Variants in ST6GALNAC5 observed in about 807,000 individuals in gnomAD.
ST6GALNAC5 encodes the protein alpha-N-acetylgalactosaminide alpha-2,6-sialyltransferase 5.
A neutral mutation model predicts 33.6 loss-of-function variants in ST6GALNAC5; 27 were observed. That is an observed-to-expected ratio of 0.80 (90% confidence interval 0.59 to 1.11). ST6GALNAC5 has a LOEUF of 1.11. Ranked by LOEUF, ST6GALNAC5 falls within the 50% of genes least tolerant of loss-of-function variation. ST6GALNAC5 has a pLI of 0.00. For missense variants in ST6GALNAC5, 428 were observed against 454.0 expected (o/e 0.94, Z 0.52); for synonymous variants, 194 against 171.2 (o/e 1.13, Z -1.04).
chr1:77,029,222 AAG>A (rs1343760607), intron 2 of ST6GALNAC5, among the ~76,000 whole-genome samples: 3 of 152,180 alleles, frequency 2.0e-5, no homozygotes, highest in Non-Finnish European at 2.9e-5. Context: ...AAGTGGAAAA[AAG>A]AGAAAGTTTC....
chr1:76,919,211 T>G (rs1332874152), intron 2 of ST6GALNAC5, among the ~76,000 whole-genome samples: 1 of 152,076 alleles, frequency 6.6e-6, no homozygotes, highest in Non-Finnish European at 1.5e-5. Flanking sequence ...CCAGGCCGCC[T>G]CAGTAACGTG....
intron 2 of ST6GALNAC5, among the ~76,000 whole-genome samples, chr1:76,965,560 C>T (rs1348688375): frequency 1.3e-5 from 2 of 152,158 alleles, no homozygotes; most frequent in Admixed American, 1.3e-4. Context: ...TCTATATTTC[C>T]CATTCACTCT....
At chr1:76,970,656 TC>T (rs1648712053) in intron 2 of ST6GALNAC5, among the ~76,000 whole-genome samples, 1 of 152,080 alleles carries the variant, frequency 6.6e-6, no homozygotes. Context: ...CAGGAGAACT[TC>T]CCCAACCTAG....
At chr1:77,030,525 A>T (rs953952453) in intron 2 of ST6GALNAC5, among the ~76,000 whole-genome samples, 3 of 152,214 alleles carry the variant, frequency 2.0e-5, no homozygotes, top group Non-Finnish European at 4.4e-5. Flanking sequence ...CAATAGAAAT[A>T]GAAAGAGTCC....
At position 76,868,930 on chromosome 1, in the gene ST6GALNAC5, A is replaced by T; in HGVS notation, c.261+188A>T. 3 of 1,008,452 alleles carry T rather than the reference A, an allele frequency of 3.0e-6. No individual in the cohort carries two copies. The highest frequency in any genetic ancestry group is 4.1e-6 in the Non-Finnish European group (3 of 733,458). 62.5% of individuals were successfully genotyped at this position (1,008,452 alleles called of 1,614,324 possible). A position where few individuals can be genotyped will look rare whatever the true frequency, so the allele number is the denominator to read the frequency against. On this transcript the variant is annotated intron_variant, in intron 2 of 4. Coordinates refer to ENST00000477717, the MANE Select transcript of ST6GALNAC5 (RefSeq NM_030965.3). The surrounding 1 kb of genome is among the most constrained non-coding windows in gnomAD (Gnocchi z 4.3). ...TGAATTCTTATTTGGAGAAAGACACAAAGTTTTGTAGAAAATAGGGGTGAG... is the reference window on the plus strand; with the variant it reads ...TGAATTCTTATTTGGAGAAAGACACTAAGTTTTGTAGAAAATAGGGGTGAG...
At chr1:77,027,180 T>C (rs1651276257) in intron 2 of ST6GALNAC5, among the ~76,000 whole-genome samples, 1 of 152,160 alleles carries the variant, frequency 6.6e-6, no homozygotes, top group Non-Finnish European at 1.5e-5. Flanking sequence ...TCCCCAAAGG[T>C]ATATCTCCTG....
intron 2 of ST6GALNAC5, among the ~76,000 whole-genome samples, chr1:76,993,147 G>A (rs1436762055): frequency 1.3e-5 from 2 of 152,152 alleles, no homozygotes; most frequent in African/African-American, 4.8e-5. Context: ...GCTTCAAGAA[G>A]CATCTCAAAT....
chr1:76,933,671 A>G (rs1647166870), intron 2 of ST6GALNAC5, among the ~76,000 whole-genome samples: 1 of 150,446 alleles, frequency 6.6e-6, no homozygotes, highest in Non-Finnish European at 1.5e-5. Context: ...ACTCTAAGTC[A>G]GGAGAAATAA....
chr1:77,050,635 A>AT (rs1652188952), intron 4 of ST6GALNAC5, among the ~76,000 whole-genome samples: 1 of 152,262 alleles, frequency 6.6e-6, no homozygotes. Flanking sequence ...TAATGCAATA[A>AT]TTGGCATAAT....
intron 2 of ST6GALNAC5, among the ~76,000 whole-genome samples, chr1:76,931,308 AC>A (rs1274139103): frequency 6.6e-6 from 1 of 152,062 alleles, no homozygotes; most frequent in Admixed American, 6.6e-5. Flanking sequence ...GCCTTGTAAG[AC>A]CCTATCAGAG....
chr1:76,910,229 AT>A (rs886459520), intron 2 of ST6GALNAC5, among the ~76,000 whole-genome samples: 1 of 151,798 alleles, frequency 6.6e-6, no homozygotes, highest in African/African-American at 2.4e-5. Flanking sequence ...GAGAATTTGT[AT>A]TTTTTTCAAT....
intron 2 of ST6GALNAC5, among the ~76,000 whole-genome samples, chr1:77,022,775 G>T (rs186461247): frequency 3.1e-4 from 47 of 152,148 alleles, no homozygotes; most frequent in Non-Finnish European, 5.6e-4. Context: ...CTCTGAAAAT[G>T]GGATACTTTT....
intron 2 of ST6GALNAC5, among the ~76,000 whole-genome samples, chr1:76,981,282 C>T (rs867086645): frequency 6.6e-6 from 1 of 152,206 alleles, no homozygotes; most frequent in South Asian, 2.1e-4. Context: ...GGCACTCCCA[C>T]CCAAATACTG....
chr1:77,052,030 C>T (rs952466312), intron 4 of ST6GALNAC5, among the ~76,000 whole-genome samples: 1 of 152,138 alleles, frequency 6.6e-6, no homozygotes, highest in African/African-American at 2.4e-5. Context: ...ACGGTAGGAT[C>T]GAAACAATTT....
chr1:77,059,970 A>C (rs1349541947), intron 4 of ST6GALNAC5, among the ~76,000 whole-genome samples: 1 of 152,268 alleles, frequency 6.6e-6, no homozygotes, highest in Admixed American at 6.5e-5. Context: ...GACACTTTCT[A>C]AAATACCTGT....
intron 2 of ST6GALNAC5, among the ~76,000 whole-genome samples, chr1:77,027,531 G>A (rs561163604): frequency 3.2e-4 from 48 of 152,338 alleles, no homozygotes; most frequent in African/African-American, 1.1e-3. Flanking sequence ...GGCAGAGATG[G>A]TGGAGGGCTG....
At chr1:76,939,667 A>T (rs1212870181) in intron 2 of ST6GALNAC5, among the ~76,000 whole-genome samples, 1 of 152,106 alleles carries the variant, frequency 6.6e-6, no homozygotes, top group Non-Finnish European at 1.5e-5. Flanking sequence ...AGGGTTGATG[A>T]TGTGATCTGT....
chr1:76,899,096 G>A (rs573712939), intron 2 of ST6GALNAC5, among the ~76,000 whole-genome samples: 1 of 152,300 alleles, frequency 6.6e-6, no homozygotes, highest in African/African-American at 2.4e-5. Flanking sequence ...AAAATTGAAA[G>A]TGCCATTTTC....
At chr1:77,029,555 C>T (rs1651372889) in intron 2 of ST6GALNAC5, among the ~76,000 whole-genome samples, 1 of 152,202 alleles carries the variant, frequency 6.6e-6, no homozygotes, top group South Asian at 2.1e-4. Context: ...AGGCACAGGG[C>T]TCTCCCTAGA....
Sources: allele counts gnomAD v4.1 joint callset (sites outside exome capture counted in the v4.1 genomes callset), GRCh38; gene constraint gnomAD v4.1.1; non-coding constraint Gnocchi (gnomAD v3.1); transcripts MANE v1.5; gene names NCBI Gene and HGNC (gene_info 2026-07-23, HGNC 2026-07-21).